Variants in SPATA6 observed in about 807,000 individuals in gnomAD.
SPATA6 encodes spermatogenesis-associated protein 6.
Under a neutral mutation model 65.3 loss-of-function variants are expected in SPATA6, and 56 were observed. That is an observed-to-expected ratio of 0.86 (90% CI 0.69 to 1.07). SPATA6 has a LOEUF of 1.07. SPATA6 is among the 50% of genes least tolerant of loss of function. The pLI is 0.00. For missense variants in SPATA6, 590 were observed against 594.8 expected (o/e 0.99, Z 0.08); for synonymous variants, 199 against 213.2 (o/e 0.93, Z 0.58).
chr1:48,277,705 G>C, the SPATA6 span, among the ~76,000 whole-genome samples: 8 of 152,242 alleles, frequency 5.3e-5, no homozygotes, highest in Non-Finnish European at 7.3e-5. Flanking sequence ...GCCCACCACA[G>C]CTCAAGGAGG....
chr1:48,400,036 A>T (rs866337636), intron 6 of SPATA6, among the ~76,000 whole-genome samples: 3 of 152,110 alleles, frequency 2.0e-5, no homozygotes, highest in Middle Eastern at 3.4e-3. Context: ...TATGTTTAGT[A>T]ATGTTAAAAA....
intron 11 of SPATA6, among the ~76,000 whole-genome samples, chr1:48,343,174 G>T (rs113673083): frequency 5.3e-5 from 8 of 152,210 alleles, no homozygotes; most frequent in Middle Eastern, 3.4e-3. Context: ...ATGAGTCTGG[G>T]ACTCATCTAT....
At chr1:48,278,280 C>T in the SPATA6 span, among the ~76,000 whole-genome samples, 5 of 152,188 alleles carry the variant, frequency 3.3e-5, no homozygotes, top group Non-Finnish European at 5.9e-5. Flanking sequence ...GAGCGCCTCT[C>T]CTCCTCCAAA....
chr1:48,387,577 C>T (rs1213132462), intron 8 of SPATA6, among the ~76,000 whole-genome samples: 9 of 152,160 alleles, frequency 5.9e-5, no homozygotes, highest in South Asian at 2.1e-4. Context: ...AGTGGCCTGG[C>T]GACCACTCTG....
chr1:48,432,733 A>G (rs1263478177), intron 3 of SPATA6, among the ~76,000 whole-genome samples: 1 of 152,210 alleles, frequency 6.6e-6, no homozygotes, highest in Non-Finnish European at 1.5e-5. Flanking sequence ...TCTGAAAAAA[A>G]TTAAAAGTAT....
chr1:48,316,069 G>T (rs1165822638), intron 11 of SPATA6, among the ~76,000 whole-genome samples: 1 of 152,098 alleles, frequency 6.6e-6, no homozygotes, highest in Non-Finnish European at 1.5e-5. Flanking sequence ...CATGCTCACG[G>T]GTAGGAAGAA....
intron 2 of SPATA6, 29 bp from the exon 3 acceptor site, chr1:48,451,629 G>A: frequency 6.3e-7 from 1 of 1,588,546 alleles, no homozygotes; most frequent in South Asian, 1.2e-5. Context: ...GGGAGAGGCA[G>A]GAAGGAAGAT....
chr1:48,286,518 G>A, the SPATA6 span, among the ~76,000 whole-genome samples: 82 of 152,086 alleles, frequency 5.4e-4, no homozygotes, highest in African/African-American at 1.9e-3. Flanking sequence ...TTTCTATTCT[G>A]CAACTTTATT....
chr1:48,285,477 GAAAAAA>G, the SPATA6 span, among the ~76,000 whole-genome samples: 1 of 127,760 alleles, frequency 7.8e-6, no homozygotes. Context: ...ACTGGGGTAT[GAAAAAA>G]AAAAAAAAAA....
At chr1:48,348,731 C>A (rs1368272649) in intron 11 of SPATA6, among the ~76,000 whole-genome samples, 1 of 152,028 alleles carries the variant, frequency 6.6e-6, no homozygotes, top group East Asian at 1.9e-4. Context: ...TGTATTCTAA[C>A]TCAGGTATAT....
chr1:48,325,261 A>C, intron 11 of SPATA6: 1 of 874,708 alleles, frequency 1.1e-6, no homozygotes, highest in Non-Finnish European at 1.8e-6. Flanking sequence ...GATATGGCAT[A>C]AACAAGCCAC....
In SPATA6 at chr1:48,376,713, G is replaced by A. The variant is rs993273942; in HGVS notation, c.909+8596C>T. The stretch of plus-strand genomic sequence containing the variant: ...CCTTCTGAGAAATACGTCATTAGGC[G>A]ATTTTGTCACCATGCAAACATCATA... On this transcript the variant is annotated intron_variant, in intron 9 of 12. Transcript: ENST00000371847. 2.6e-5 allele frequency among the ~76,000 whole-genome samples: 4 copies of A among 151,974 alleles called. No individual in the cohort carries two copies. The South Asian group carries it at 6.2e-4, about 24-fold the overall frequency.
At chr1:48,455,571 G>A (rs887441289) in intron 1 of SPATA6, among the ~76,000 whole-genome samples, 6 of 152,024 alleles carry the variant, frequency 3.9e-5, no homozygotes, top group South Asian at 2.1e-4. Context: ...TAATGGAGAC[G>A]GGGTTTCACC....
chr1:48,469,379 G>C (rs981538845), intron 1 of SPATA6, among the ~76,000 whole-genome samples: 2 of 151,748 alleles, frequency 1.3e-5, no homozygotes, highest in Admixed American at 6.6e-5. Flanking sequence ...AGTTTTAATA[G>C]ATACAGAGTG....
chr1:48,388,224 G>A (rs559224414), intron 8 of SPATA6, among the ~76,000 whole-genome samples: 171 of 151,714 alleles, frequency 1.1e-3, no homozygotes, highest in South Asian at 9.0e-3. Context: ...CAGATACCAC[G>A]GATGCTGCTT....
intron 5 of SPATA6, among the ~76,000 whole-genome samples, chr1:48,404,793 T>C (rs149854804): frequency 6.6e-6 from 1 of 152,386 alleles, no homozygotes; most frequent in Admixed American, 6.5e-5. Context: ...ATGTGGCTTA[T>C]ATTTCTAACA....
At chr1:48,274,951 T>G in the SPATA6 span, among the ~76,000 whole-genome samples, 1 of 152,220 alleles carries the variant, frequency 6.6e-6, no homozygotes, top group Non-Finnish European at 1.5e-5. Flanking sequence ...TTTTACTATA[T>G]TGATTCTTCC....
chr1:48,308,356 C>T (rs575206250), intron 11 of SPATA6, among the ~76,000 whole-genome samples: 1 of 151,972 alleles, frequency 6.6e-6, no homozygotes, highest in Non-Finnish European at 1.5e-5. Context: ...TACATGTTTA[C>T]AGTCCCTCCC....
chr1:48,327,948 C>T (rs147555996), intron 11 of SPATA6, among the ~76,000 whole-genome samples: 8 of 152,142 alleles, frequency 5.3e-5, no homozygotes, highest in Middle Eastern at 3.4e-3. Flanking sequence ...ATGTAACAAA[C>T]ATAGAATGTA....
Sources: allele counts gnomAD v4.1 joint callset (sites outside exome capture counted in the v4.1 genomes callset), GRCh38; gene constraint gnomAD v4.1.1; transcripts MANE v1.5; gene names NCBI Gene and HGNC (gene_info 2026-07-23, HGNC 2026-07-21).